The following FLVCR2 variants were observed in gnomAD, a reference collection of about 807,000 sequenced individuals.
FLVCR2 encodes choline/ethanolamine transporter FLVCR2.
In FLVCR2, 38 loss-of-function variants were observed where a neutral mutation model predicts 48.9. The ratio of observed to expected loss-of-function variants is 0.78; its 90% CI spans 0.60 to 1.02. FLVCR2 has a LOEUF of 1.02. FLVCR2 is among the 50% of genes least tolerant of loss of function. The pLI, the probability that FLVCR2 is intolerant of heterozygous loss-of-function variation, is 0.00. For missense variants in FLVCR2, 664 were observed against 663.3 expected (o/e 1.00, Z -0.01); for synonymous variants, 255 against 257.0 (o/e 0.99, Z 0.07).
intron 1 of FLVCR2, among the ~76,000 whole-genome samples, chr14:75,613,201 G>T (rs1011310969): frequency 6.6e-6 from 1 of 152,128 alleles, no homozygotes; most frequent in African/African-American, 2.4e-5. Flanking sequence ...GATATATAAA[G>T]AAAAGAGGTT....
intron 5 of FLVCR2, among the ~76,000 whole-genome samples, chr14:75,638,026 G>A (rs953392012): frequency 1.7e-4 from 26 of 152,180 alleles, no homozygotes; most frequent in African/African-American, 6.0e-4. Flanking sequence ...GGGAGTGGGC[G>A]AAGATAGAGA....
intron 1 of FLVCR2, among the ~76,000 whole-genome samples, chr14:75,580,456 C>T (rs944620675): frequency 1.3e-5 from 2 of 152,352 alleles, no homozygotes; most frequent in Non-Finnish European, 2.9e-5. Flanking sequence ...TTTCCAAGCA[C>T]GTACAGTCCT....
At chr14:75,633,550 C>G (rs577057825) in intron 3 of FLVCR2, 79 bp from the exon 4 acceptor site, 3 of 1,157,086 alleles carry the variant, frequency 2.6e-6, no homozygotes, top group Non-Finnish European at 3.9e-6. Context: ...TGCCCACCCC[C>G]CAAATGCTGG....
chr14:75,603,251 G>A (rs1477813642), intron 1 of FLVCR2, among the ~76,000 whole-genome samples: 1 of 152,202 alleles, frequency 6.6e-6, no homozygotes, highest in African/African-American at 2.4e-5. Context: ...CTGGAATATT[G>A]CCTTTTCCAA....
intron 2 of FLVCR2, among the ~76,000 whole-genome samples, chr14:75,622,792 C>A (rs1234797364): frequency 2.0e-5 from 3 of 150,762 alleles, no homozygotes; most frequent in Non-Finnish European, 4.4e-5. Flanking sequence ...ATTAACCTGA[C>A]AGTACTTGGG....
chr14:75,640,834 C>G (rs1890292158), intron 6 of FLVCR2, 121 bp from the exon 7 acceptor site: 5 of 747,940 alleles, frequency 6.7e-6, no homozygotes, highest in South Asian at 4.3e-5. Flanking sequence ...ATTAGAGGGC[C>G]TAGTATGTCT....
Position 75,590,571 on chromosome 14 carries a change from T to C in FLVCR2, c.669+10930T>C, listed in dbSNP as rs529974445. On this transcript the variant is annotated intron_variant, in intron 1 of 9. Transcript: ENST00000238667. ...GGAGGTGGGGCCTGGTGGGAGGAGATTGTCTCATGGGAGTAAAGTTCTCAT... is the reference window on the plus strand; with the variant it reads ...GGAGGTGGGGCCTGGTGGGAGGAGACTGTCTCATGGGAGTAAAGTTCTCAT... Among the ~76,000 whole-genome samples the C allele has an allele frequency of 5.9e-5, 9 of 152,326 alleles. No homozygotes were observed. In the South Asian group the frequency reaches 1.2e-3, roughly 21 times the overall value.
intron 6 of FLVCR2, 99 bp downstream of exon 6, chr14:75,639,561 C>T (rs1309958327): frequency 2.4e-6 from 2 of 831,752 alleles, no homozygotes; most frequent in African/African-American, 3.3e-5. Flanking sequence ...TTGCTGCCTT[C>T]TAACTGACCT....
At chr14:75,592,786 C>T (rs568998824) in intron 1 of FLVCR2, among the ~76,000 whole-genome samples, 21 of 151,536 alleles carry the variant, frequency 1.4e-4, no homozygotes, top group African/African-American at 2.9e-4. Context: ...GTCAGGAGTT[C>T]GAGACTAGCC....
At chr14:75,625,089 T>C (rs1045093276) in intron 3 of FLVCR2, among the ~76,000 whole-genome samples, 1 of 151,170 alleles carries the variant, frequency 6.6e-6, no homozygotes, top group Non-Finnish European at 1.5e-5. Flanking sequence ...AAAAAAAAAT[T>C]TTTTTGCAGG....
At chr14:75,643,780 C>T (rs927230611) in intron 9 of FLVCR2, among the ~76,000 whole-genome samples, 2 of 152,278 alleles carry the variant, frequency 1.3e-5, no homozygotes, top group East Asian at 3.9e-4. Context: ...TACAAGGGGA[C>T]ATAATGATTT....
rs753570148 is a variant in FLVCR2 at position 75,622,227 on chromosome 14, T to A, written c.811+7T>A. ...CTCATCCTTGTCATCATTGGTAAGG[T>A]CATTAGTAAACAGATGGGGTAGCAG... On this transcript the variant is annotated splice_region_variant and intron_variant, in intron 2 of 9. Coordinates refer to ENST00000238667, the MANE Select transcript of FLVCR2 (RefSeq NM_017791.3). 1 of 1,613,812 alleles carries A rather than the reference T, an allele frequency of 6.2e-7. No individual in the cohort carries two copies. The highest frequency in any genetic ancestry group is 1.1e-5 in the South Asian group (1 of 91,070).
chr14:75,617,998 G>A (rs1310291235), intron 1 of FLVCR2, among the ~76,000 whole-genome samples: 1 of 152,168 alleles, frequency 6.6e-6, no homozygotes, highest in Non-Finnish European at 1.5e-5. Flanking sequence ...AGACAGAAAG[G>A]AGCTCAGTGT....
At chr14:75,583,802 G>A (rs10143931) in intron 1 of FLVCR2, among the ~76,000 whole-genome samples, 27,795 of 152,092 alleles carry the variant, frequency 0.18, 2,776 homozygotes, top group African/African-American at 0.23. Context: ...ACAGGCCCTT[G>A]AAAAGAAGGT....
chr14:75,595,734 G>T, intron 1 of FLVCR2: 1 of 627,618 alleles, frequency 1.6e-6, no homozygotes, highest in Non-Finnish European at 2.9e-6. Context: ...GTTTTCACAT[G>T]AAAGTGTTTA....
Position 75,622,099 on chromosome 14 carries a change from C to A in FLVCR2, c.690C>A (p.Phe230Leu). The change falls in exon 2 of 10, where the codon TTC (phenylalanine) becomes TTA (leucine). Residue 230 changes from phenylalanine to leucine, a missense_variant. Transcript: ENST00000238667. ...FGNQLGIAIG[F>L]LVPPVLVPNI... is the part of the protein sequence containing the mutation. ...TATAGCTTGGAATTGCGATTGGGTT[C>A]TTGGTCCCTCCTGTTTTGGTACCCA... The A allele has an allele frequency of 6.2e-6, 10 of 1,614,132 alleles. No homozygotes were observed. Among genetic ancestry groups the A allele is most frequent in the Non-Finnish European group, 8.5e-6 (10 of 1,180,026 alleles).
chr14:75,591,841 T>C (rs142795107), intron 1 of FLVCR2, among the ~76,000 whole-genome samples: 1 of 124,044 alleles, frequency 8.1e-6, no homozygotes, highest in African/African-American at 3.2e-5. Context: ...TGACAAAGGG[T>C]CTTACTCTGT....
chr14:75,606,200 AT>A (rs756584640), intron 1 of FLVCR2, among the ~76,000 whole-genome samples: 1 of 151,820 alleles, frequency 6.6e-6, no homozygotes, highest in Admixed American at 6.6e-5. Flanking sequence ...CAATTTTTGT[AT>A]TTTTTTGTAG....
rs200769931 is a variant in FLVCR2, at chr14:75,609,284, C to T, written c.670-12795C>T. Among the ~76,000 whole-genome samples the T allele has an allele frequency of 4.6e-5, 7 of 152,062 alleles. No individual in the cohort carries two copies. In the East Asian group the frequency reaches 9.6e-4, roughly 21 times the overall value. On this transcript the variant is annotated intron_variant, in intron 1 of 9. Coordinates refer to ENST00000238667, the MANE Select transcript of FLVCR2 (RefSeq NM_017791.3). ...ACACTATAAGCCAGTCACACCGGAG[C>T]GGCTAATGGTGCAAATGTCAGCCCA...
Sources: gnomAD v4.1 joint callset for allele counts (sites outside exome capture counted in the v4.1 genomes callset) on GRCh38, gnomAD v4.1.1 for gene constraint, MANE v1.5 for transcripts, NCBI Gene and HGNC (gene_info 2026-07-23, HGNC 2026-07-21) for gene names.